The following SOX5 variants were observed in gnomAD, a reference collection of about 807,000 sequenced individuals.
SOX5 encodes transcription factor SOX-5.
In SOX5, 9 loss-of-function variants were observed where a neutral mutation model predicts 92.0. The ratio of observed to expected loss-of-function variants is 0.10; its 90% CI spans 0.06 to 0.17. The LOEUF (loss-of-function observed/expected upper bound fraction) is 0.17. Ranked by LOEUF, SOX5 falls within the 10% of genes least tolerant of loss-of-function variation. SOX5 has a pLI of 1.00. For missense variants in SOX5, 642 were observed against 944.5 expected, an observed-to-expected ratio of 0.68 and a Z score of 4.20; for synonymous variants, 344 against 336.3, an observed-to-expected ratio of 1.02 and a Z score of -0.25.
intron 6 of SOX5, among the ~76,000 whole-genome samples, chr12:23,714,697 A>G (rs974911574): frequency 6.6e-6 from 1 of 152,222 alleles, no homozygotes; most frequent in African/African-American, 2.4e-5. Context: ...TAAGTATGCC[A>G]TGCTTTGAGA....
intron 1 of SOX5, among the ~76,000 whole-genome samples, chr12:24,493,945 T>G (rs1947354010): frequency 6.6e-6 from 1 of 152,232 alleles, no homozygotes. Flanking sequence ...ATACATTGAC[T>G]TTTTAAAAGC....
At chr12:24,024,975 T>G (rs1379984056) in intron 4 of SOX5, among the ~76,000 whole-genome samples, 1 of 152,034 alleles carries the variant, frequency 6.6e-6, no homozygotes, top group Non-Finnish European at 1.5e-5. Context: ...ACTACTAAAA[T>G]AAGTGATGAC....
chr12:23,811,751 A>T (rs2095878982), intron 3 of SOX5, among the ~76,000 whole-genome samples: 1 of 152,156 alleles, frequency 6.6e-6, no homozygotes, highest in Non-Finnish European at 1.5e-5. Context: ...TGGATGAAGT[A>T]CTTTATGGGA....
intron 1 of SOX5, among the ~76,000 whole-genome samples, chr12:24,455,840 C>T (rs545988928): frequency 5.6e-4 from 86 of 152,226 alleles, no homozygotes; most frequent in African/African-American, 2.0e-3. Flanking sequence ...GCGATTCTTC[C>T]CCAGAACTGC....
At chr12:24,135,752 G>A (rs749758960) in intron 4 of SOX5, among the ~76,000 whole-genome samples, 15 of 152,122 alleles carry the variant, frequency 9.9e-5, no homozygotes, top group Admixed American at 3.3e-4. Flanking sequence ...CTGGACCTTC[G>A]GAGAATGAGA....
intron 1 of SOX5, among the ~76,000 whole-genome samples, chr12:24,440,912 A>C (rs1940445526): frequency 6.6e-6 from 1 of 152,186 alleles, no homozygotes; most frequent in Admixed American, 6.5e-5. Flanking sequence ...ATATAGGGAA[A>C]TTATTGGATA....
chr12:24,296,091 A>T (rs1248939090), intron 2 of SOX5, among the ~76,000 whole-genome samples: 1 of 152,172 alleles, frequency 6.6e-6, no homozygotes, highest in Non-Finnish European at 1.5e-5. Context: ...ATATCCTAAC[A>T]CAGTGCTGAA....
At chr12:24,182,596 G>C (rs1309554735) in intron 4 of SOX5, among the ~76,000 whole-genome samples, 2 of 151,808 alleles carry the variant, frequency 1.3e-5, no homozygotes, top group East Asian at 3.9e-4. Context: ...TCACCTACAG[G>C]ATACTTTCAG....
intron 6 of SOX5, among the ~76,000 whole-genome samples, chr12:23,727,520 C>A (rs2140753469): frequency 6.6e-6 from 1 of 152,114 alleles, no homozygotes; most frequent in South Asian, 2.1e-4. Context: ...GGAGATACAC[C>A]ATCCTCATTT....
intron 9 of SOX5, among the ~76,000 whole-genome samples, chr12:23,584,244 G>T (rs1020310070): frequency 1.3e-5 from 2 of 151,930 alleles, no homozygotes; most frequent in South Asian, 2.1e-4. Flanking sequence ...TTGACGGGGG[G>T]AAAAAACCAC....
intron 2 of SOX5, among the ~76,000 whole-genome samples, chr12:24,292,333 C>A (rs1177866992): frequency 6.6e-6 from 1 of 152,084 alleles, no homozygotes; most frequent in Non-Finnish European, 1.5e-5. Context: ...GAGACTAATG[C>A]TTCAGGATTA....
At chr12:24,264,160 C>A (rs544313008) in intron 3 of SOX5, among the ~76,000 whole-genome samples, 16 of 152,120 alleles carry the variant, frequency 1.1e-4, no homozygotes, top group South Asian at 6.2e-4. Context: ...AAAGGTTAAC[C>A]TTTGCTTTGA....
At chr12:23,613,405 G>A (rs770891915) in intron 8 of SOX5, among the ~76,000 whole-genome samples, 5 of 151,576 alleles carry the variant, frequency 3.3e-5, no homozygotes, top group East Asian at 1.9e-4. Flanking sequence ...CTTGTATATC[G>A]CTGATGGGAC....
At chr12:23,657,965 G>T (rs1333591281) in intron 7 of SOX5, among the ~76,000 whole-genome samples, 1 of 152,166 alleles carries the variant, frequency 6.6e-6, no homozygotes, top group Admixed American at 6.5e-5. Context: ...AATAAAATCT[G>T]AGAAATTTAT....
intron 1 of SOX5, among the ~76,000 whole-genome samples, chr12:24,504,721 C>T (rs1478206180): frequency 6.6e-6 from 1 of 152,080 alleles, no homozygotes; most frequent in Non-Finnish European, 1.5e-5. Context: ...TGATATAAAC[C>T]TTAATTCTAG....
chr12:24,278,758 T>C (rs1944804317), intron 2 of SOX5, among the ~76,000 whole-genome samples: 1 of 152,064 alleles, frequency 6.6e-6, no homozygotes, highest in Non-Finnish European at 1.5e-5. Flanking sequence ...CAAAAAACTT[T>C]TAACATGGGA....
intron 4 of SOX5, among the ~76,000 whole-genome samples, chr12:24,093,899 C>T (rs868461303): frequency 6.6e-6 from 1 of 152,078 alleles, no homozygotes; most frequent in South Asian, 2.1e-4. Context: ...TATTTTCAGG[C>T]ATTCATTTTA....
intron 1 of SOX5, among the ~76,000 whole-genome samples, chr12:24,505,860 T>C (rs201384908): frequency 1.3e-4 from 16 of 123,842 alleles, no homozygotes; most frequent in African/African-American, 4.0e-4. Flanking sequence ...TGTGCGTGTG[T>C]GTGTGTGTGT....
rs35206737 is a variant in SOX5 at position 24,127,406 on chromosome 12, G to GATAATAATAATAATA, written c.-2+85922_-2+85936dup. Among the ~76,000 whole-genome samples, 52 of 147,182 alleles carry GATAATAATAATAATA rather than the reference G, an allele frequency of 3.5e-4. 1 individual carries two copies. The South Asian group carries it at 0.01, about 29-fold the overall frequency. On this transcript the variant is annotated intron_variant, in intron 4 of 4. Transcript: ENST00000446891. ...ACCCTATCTCAATAATAATAATAAT[G>GATAATAATAATAATA]ATAATAATAATAATAATAATAATAC...
Sources: allele counts gnomAD v4.1 joint callset (sites outside exome capture counted in the v4.1 genomes callset), GRCh38; gene constraint gnomAD v4.1.1; transcripts MANE v1.5; gene names NCBI Gene and HGNC (gene_info 2026-07-23, HGNC 2026-07-21).